The following MAP2 variants were observed in gnomAD, a reference collection of about 807,000 sequenced individuals.
MAP2 encodes the protein microtubule-associated protein 2.
MAP2 carries 14 observed loss-of-function variants against 137.6 expected under a neutral mutation model. The ratio of observed to expected loss-of-function variants is 0.10; its 90% CI spans 0.07 to 0.16. The LOEUF is 0.16. Ranked by LOEUF, MAP2 falls within the 10% of genes least tolerant of loss-of-function variation. MAP2 has a pLI of 1.00. For synonymous variants in MAP2, 786 were observed against 782.3 expected, an observed-to-expected ratio of 1.00 and a Z score of -0.08; for missense variants, 2,088 against 2,191.5, an observed-to-expected ratio of 0.95 and a Z score of 0.94.
At chr2:209,704,754 C>T in intron 11 of MAP2, 1 of 694,348 alleles carries the variant, frequency 1.4e-6, no homozygotes, top group Non-Finnish European at 2.1e-6. Flanking sequence ...ACAGTAGGCC[C>T]TTTTAAAAAC....
chr2:209,694,858 T>A lies in MAP2; in HGVS notation c.2688T>A (p.Phe896Leu). The A allele has an allele frequency of 1.2e-6, 2 of 1,614,162 alleles. No homozygotes were observed. The highest frequency in any genetic ancestry group is 1.7e-6 in the Non-Finnish European group (2 of 1,180,030). The part of the protein sequence containing the change: ...SENLSGESGT[F>L]YEGTDDKVRR... ...ATTTATCAGGGGAGAGTGGTACCTTTTACGAAGGCACTGATGATAAAGTTC... is the reference window on the plus strand; with the variant it reads ...ATTTATCAGGGGAGAGTGGTACCTTATACGAAGGCACTGATGATAAAGTTC... Residue 896 changes from phenylalanine (F) to leucine (L), a missense_variant, in exon 8 of 16, where the codon TTT (phenylalanine) becomes TTA (leucine). Around this residue, in one of 6 missense-constraint regions of MAP2, gnomAD observed 500 missense variants for 482.9 expected, o/e 1.04. Transcript: ENST00000682079.
intron 4 of MAP2, 29 bp from the exon 5 acceptor site, chr2:209,653,113 A>C: frequency 6.7e-7 from 1 of 1,500,830 alleles, no homozygotes; most frequent in Non-Finnish European, 8.9e-7. Flanking sequence ...ATTTCCCCAA[A>C]GTAATAGCTA....
intron 3 of MAP2, among the ~76,000 whole-genome samples, chr2:209,583,700 T>C (rs1353472084): frequency 6.6e-6 from 1 of 151,962 alleles, no homozygotes; most frequent in Non-Finnish European, 1.5e-5. Flanking sequence ...CGGAGCTCAG[T>C]TGGAGTCAGC....
intron 3 of MAP2, among the ~76,000 whole-genome samples, chr2:209,593,378 T>C (rs2079818623): frequency 6.6e-6 from 1 of 150,792 alleles, no homozygotes; most frequent in African/African-American, 2.4e-5. Flanking sequence ...GAAGAACTAG[T>C]TGAGGATCAT....
chr2:209,680,939 G>A (rs544283068), intron 7 of MAP2, 112 bp downstream of exon 7: 2 of 642,924 alleles, frequency 3.1e-6, no homozygotes, highest in South Asian at 7.0e-5. Flanking sequence ...AAGCTTTGGA[G>A]CTATCTGTTT....
intron 1 of MAP2, among the ~76,000 whole-genome samples, chr2:209,439,321 C>A (rs1299161200): frequency 6.6e-6 from 1 of 151,444 alleles, no homozygotes; most frequent in Non-Finnish European, 1.5e-5. Flanking sequence ...TTATTAATAC[C>A]TATACTTCTT....
chr2:209,436,025 A>AT (rs1559159753), intron 1 of MAP2, among the ~76,000 whole-genome samples: 1 of 77,294 alleles, frequency 1.3e-5, no homozygotes, highest in Non-Finnish European at 3.1e-5. Flanking sequence ...TTATATATAA[A>AT]ATATATATAT....
At chr2:209,495,228 A>C (rs116296261) in intron 1 of MAP2, among the ~76,000 whole-genome samples, 3,553 of 152,316 alleles carry the variant, frequency 0.023, 48 homozygotes, top group Non-Finnish European at 0.033. Context: ...GCGACAGAGC[A>C]CCTGGGGGAA....
intron 2 of MAP2, among the ~76,000 whole-genome samples, chr2:209,567,682 A>G (rs1188914308): frequency 6.6e-6 from 1 of 152,108 alleles, no homozygotes; most frequent in Non-Finnish European, 1.5e-5. Flanking sequence ...AAAAGGAAAA[A>G]AAAAGCCACA....
In MAP2 at chr2:209,694,982, C is replaced by T. The variant is rs1194337408; in HGVS notation, c.2812C>T (p.His938Tyr). 1.2e-6 allele frequency: 2 copies of T among 1,614,156 alleles called. No individual in the cohort carries two copies. The highest frequency in any genetic ancestry group is 1.7e-6 in the Non-Finnish European group (2 of 1,180,024). Residue 938 changes from histidine to tyrosine, a missense_variant, in exon 8 of 16, where the codon CAT (histidine) becomes TAT (tyrosine). His to Tyr is a moderately conservative substitution (Grantham distance 83). Around this residue, in one of 6 missense-constraint regions of MAP2, gnomAD observed 500 missense variants for 482.9 expected, o/e 1.04. Transcript: ENST00000682079. ...EFSVDKEASA[H>Y]ISGDKSGLSK... The stretch of plus-strand genomic sequence containing the variant: ...CAGTGTTGACAAAGAAGCATCCGCG[C>T]ATATCTCTGGTGACAAATCAGGACT...
chr2:209,669,199 G>A (rs1439203586), intron 5 of MAP2, among the ~76,000 whole-genome samples: 2 of 152,078 alleles, frequency 1.3e-5, no homozygotes, highest in Admixed American at 1.3e-4. Context: ...GCTGCTATTT[G>A]CGAATTCTTA....
chr2:209,724,962 CT>C (rs111996295), intron 13 of MAP2, among the ~76,000 whole-genome samples: 47 of 152,286 alleles, frequency 3.1e-4, no homozygotes, highest in African/African-American at 1.1e-3. Flanking sequence ...AGTAGAGGAG[CT>C]TTATCTCCCA....
intron 3 of MAP2, among the ~76,000 whole-genome samples, chr2:209,613,693 A>G (rs545069807): frequency 6.6e-6 from 1 of 152,322 alleles, no homozygotes; most frequent in African/African-American, 2.4e-5. Flanking sequence ...TCAGAGCCAC[A>G]ATTTTAAAAG....
At chr2:209,489,374 C>T (rs2058793375) in intron 1 of MAP2, among the ~76,000 whole-genome samples, 1 of 152,168 alleles carries the variant, frequency 6.6e-6, no homozygotes, top group South Asian at 2.1e-4. Context: ...AATACCAGAA[C>T]ACTTCTTCTC....
At chr2:209,479,233 C>T (rs1197252396) in intron 1 of MAP2, among the ~76,000 whole-genome samples, 2 of 151,954 alleles carry the variant, frequency 1.3e-5, no homozygotes, top group Non-Finnish European at 2.9e-5. Context: ...ACATATATCT[C>T]TCCTTTTCAT....
chr2:209,571,879 C>G lies in MAP2; in HGVS notation c.-171-8157C>G, dbSNP rs143906298. On this transcript the variant is annotated intron_variant, in intron 2 of 15. Coordinates refer to ENST00000682079, the MANE Select transcript of MAP2 (RefSeq NM_001375505.1). ...ATAAGAATAACCTGTCTTTCTTTCTCTCTCTCCATTTATACCATCCCATTG... is the reference window on the plus strand; with the variant it reads ...ATAAGAATAACCTGTCTTTCTTTCTGTCTCTCCATTTATACCATCCCATTG... Among the ~76,000 whole-genome samples, 615 of 152,014 alleles carry G rather than the reference C, an allele frequency of 4.0e-3. 5 individuals are homozygous for G. Among genetic ancestry groups the G allele is most frequent in the African/African-American group, 0.014 (578 of 41,532 alleles).
chr2:209,467,982 A>T (rs1393179655), intron 1 of MAP2, among the ~76,000 whole-genome samples: 1 of 152,218 alleles, frequency 6.6e-6, no homozygotes, highest in East Asian at 1.9e-4. Flanking sequence ...GGCTGCAGCA[A>T]CTGGTTTATA....
chr2:209,712,318 G>T (rs181989104), intron 13 of MAP2, among the ~76,000 whole-genome samples: 1 of 152,168 alleles, frequency 6.6e-6, no homozygotes, highest in East Asian at 1.9e-4. Flanking sequence ...TAGAGATTAT[G>T]GTGGTTAAGG....
chr2:209,610,120 G>A (rs1223018309), intron 3 of MAP2, among the ~76,000 whole-genome samples: 1 of 152,114 alleles, frequency 6.6e-6, no homozygotes, highest in Non-Finnish European at 1.5e-5. Context: ...ACCTTGTCAA[G>A]GAGGATATTT....
Sources: allele counts gnomAD v4.1 joint callset (sites outside exome capture counted in the v4.1 genomes callset), GRCh38; gene constraint gnomAD v4.1.1; regional missense constraint gnomAD v4.1.1; transcripts MANE v1.5; gene names NCBI Gene and HGNC (gene_info 2026-07-23, HGNC 2026-07-21).